Variants in LRP1B observed in about 807,000 individuals in gnomAD.
The protein encoded by LRP1B is low-density lipoprotein receptor-related protein 1B.
A neutral mutation model predicts 556.6 loss-of-function variants in LRP1B; 217 were observed. The ratio of observed to expected loss-of-function variants is 0.39; its 90% confidence interval spans 0.35 to 0.44. The LOEUF (loss-of-function observed/expected upper bound fraction) is 0.44, where lower values mean the gene tolerates loss of function less well. LRP1B is among the 20% of genes least tolerant of loss of function. LRP1B has a pLI of 1.00. For missense variants in LRP1B, 5,053 were observed against 5,620.8 expected (o/e 0.90, Z 3.23); for synonymous variants, 2,047 against 1,865.8 (o/e 1.10, Z -2.50).
chr2:140,288,168 A>G (rs1421874406), intron 84 of LRP1B, among the ~76,000 whole-genome samples: 1 of 147,176 alleles, frequency 6.8e-6, no homozygotes, highest in Admixed American at 6.8e-5. Context: ...TTTTTCCTTG[A>G]CAGCTGACAA....
chr2:141,079,258 T>A (rs1280951505), intron 7 of LRP1B, among the ~76,000 whole-genome samples: 2 of 152,182 alleles, frequency 1.3e-5, no homozygotes, highest in Non-Finnish European at 2.9e-5. Context: ...GTCAGTTGTC[T>A]CTATAGCACA....
At chr2:140,900,547 CACAAA>C (rs1694075109) in intron 23 of LRP1B, among the ~76,000 whole-genome samples, 1 of 152,030 alleles carries the variant, frequency 6.6e-6, no homozygotes, top group African/African-American at 2.4e-5. Flanking sequence ...CAAAAATAAT[CACAAA>C]ACAAAAGAAA....
chr2:140,672,442 C>A (rs1183301417), intron 41 of LRP1B, among the ~76,000 whole-genome samples: 2 of 144,382 alleles, frequency 1.4e-5, no homozygotes, highest in Admixed American at 1.4e-4. Flanking sequence ...AGAAATCGCA[C>A]CATTGCACTC....
At chr2:142,085,772 C>G (rs760538595) in intron 1 of LRP1B, among the ~76,000 whole-genome samples, 2 of 152,140 alleles carry the variant, frequency 1.3e-5, no homozygotes, top group Non-Finnish European at 2.9e-5. Flanking sequence ...TATCTTCAAT[C>G]CCCCAAGTTG....
chr2:141,014,541 A>G (rs1697848473), intron 13 of LRP1B, among the ~76,000 whole-genome samples: 1 of 152,090 alleles, frequency 6.6e-6, no homozygotes, highest in African/African-American at 2.4e-5. Context: ...AAGATGAAAA[A>G]GATTTTGTAT....
chr2:140,651,683 G>T (rs1684693753), intron 41 of LRP1B, among the ~76,000 whole-genome samples: 1 of 152,062 alleles, frequency 6.6e-6, no homozygotes, highest in South Asian at 2.1e-4. Context: ...CAGATTTTAG[G>T]AGAAAATACC....
Position 141,418,407 on chromosome 2 carries a change from T to C in LRP1B, c.343+61989A>G, listed in dbSNP as rs13399504. ...CTTTCATCCATTTGGAGTTGATTTTTGTGTAGTGTAAAACAGAGCACAATA... is the reference window on the plus strand; with the variant it reads ...CTTTCATCCATTTGGAGTTGATTTTCGTGTAGTGTAAAACAGAGCACAATA... On this transcript the variant is annotated intron_variant, in intron 3 of 90. Transcript: ENST00000389484. Among the ~76,000 whole-genome samples the C allele has an allele frequency of 9.2e-3, 1,405 of 152,006 alleles. 18 individuals carry two copies. Among genetic ancestry groups the C allele is most frequent in the African/African-American group, 0.032 (1,344 of 41,398 alleles).
At chr2:140,244,772 G>T (rs909122910) in intron 87 of LRP1B, among the ~76,000 whole-genome samples, 1 of 140,566 alleles carries the variant, frequency 7.1e-6, no homozygotes, top group African/African-American at 3.2e-5. Flanking sequence ...GCAGACAGAG[G>T]CAGTGTATTC....
chr2:141,895,822 G>GT (rs1342956019), intron 1 of LRP1B, among the ~76,000 whole-genome samples: 3 of 151,972 alleles, frequency 2.0e-5, no homozygotes, highest in Non-Finnish European at 2.9e-5. Flanking sequence ...AGAATCTTTG[G>GT]TTTTTTTCTT....
intron 2 of LRP1B, among the ~76,000 whole-genome samples, chr2:141,663,920 C>CAA (rs796406816): frequency 0.01 from 1,142 of 113,206 alleles, 10 homozygotes; most frequent in African/African-American, 0.028. Context: ...AGAGATACAT[C>CAA]AAAAAAAAAA....
intron 1 of LRP1B, among the ~76,000 whole-genome samples, chr2:141,864,563 G>GGAA (rs372790900): frequency 1.4e-5 from 2 of 144,046 alleles, no homozygotes; most frequent in South Asian, 4.4e-4. Context: ...AATCTTGAGG[G>GGAA]AAAAAAAAAA....
intron 2 of LRP1B, among the ~76,000 whole-genome samples, chr2:141,538,923 G>A (rs1685154624): frequency 6.6e-6 from 1 of 152,192 alleles, no homozygotes; most frequent in Admixed American, 6.5e-5. Context: ...ACAGGTGTGA[G>A]CCACTGTCCC....
intron 15 of LRP1B, among the ~76,000 whole-genome samples, chr2:140,995,274 C>A (rs1030500258): frequency 6.6e-6 from 1 of 152,014 alleles, no homozygotes; most frequent in Non-Finnish European, 1.5e-5. Flanking sequence ...AACTTCCAAC[C>A]TTCTCTTTGT....
In LRP1B at chr2:141,519,378, TATATATATATATATATATATATATGAA is replaced by T. The variant is rs1163211815; in HGVS notation, c.206-38872_206-38846del. On this transcript the variant is annotated intron_variant, in intron 2 of 90. Transcript: ENST00000389484. ...AGTCAATGATATATATATATATATA[TATATATATATATATATATATATATGAA>T]ATGCAATATTTATTGAATTTAGTTT... 8.9e-4 allele frequency among the ~76,000 whole-genome samples: 40 copies of T among 45,002 alleles called. 1 individual carries two copies. The East Asian group carries it at 0.014, about 16-fold the overall frequency. The allele number at this position is 45,002 out of a possible 152,430, so 29.5% of individuals were successfully genotyped here.
intron 1 of LRP1B, among the ~76,000 whole-genome samples, chr2:142,001,386 A>C (rs928294192): frequency 6.6e-6 from 1 of 152,208 alleles, no homozygotes; most frequent in South Asian, 2.1e-4. Context: ...GTAAATATTT[A>C]CTGAGCATTA....
chr2:140,449,702 CA>C (rs945646263), intron 63 of LRP1B, among the ~76,000 whole-genome samples: 1 of 152,018 alleles, frequency 6.6e-6, no homozygotes, highest in African/African-American at 2.4e-5. Context: ...ACCTAAATTT[CA>C]AAAAAGCTTT....
At chr2:140,623,849 G>A (rs1683545604) in intron 41 of LRP1B, among the ~76,000 whole-genome samples, 1 of 151,192 alleles carries the variant, frequency 6.6e-6, no homozygotes, top group Non-Finnish European at 1.5e-5. Context: ...AGCCTGGGAG[G>A]CGGAGGTTGC....
At chr2:140,257,160 T>C (rs1301311412) in intron 86 of LRP1B, among the ~76,000 whole-genome samples, 1 of 151,710 alleles carries the variant, frequency 6.6e-6, no homozygotes, top group Non-Finnish European at 1.5e-5. Context: ...GATCAAGTGC[T>C]AGGTTGAAGT....
intron 2 of LRP1B, among the ~76,000 whole-genome samples, chr2:141,621,577 T>C (rs561549622): frequency 1.3e-5 from 2 of 152,262 alleles, no homozygotes; most frequent in South Asian, 4.1e-4. Context: ...AATGTCAAAA[T>C]TAAGGGTTTT....
Sources: allele counts gnomAD v4.1 joint callset (sites outside exome capture counted in the v4.1 genomes callset), GRCh38; gene constraint gnomAD v4.1.1; transcripts MANE v1.5; gene names NCBI Gene and HGNC (gene_info 2026-07-23, HGNC 2026-07-21).